MYOCD: variants seen among roughly 807,000 people sequenced by gnomAD.
MYOCD encodes the protein myocardin.
In MYOCD, 32 loss-of-function variants were observed where a neutral mutation model predicts 96.1. The ratio of observed to expected loss-of-function variants is 0.33; its 90% CI spans 0.25 to 0.45. MYOCD has a LOEUF of 0.45. MYOCD is among the 20% of genes least tolerant of loss of function. MYOCD has a pLI of 1.00. For missense variants in MYOCD, 1,133 were observed against 1,200.6 expected, an observed-to-expected ratio of 0.94 and a Z score of 0.83; for synonymous variants, 469 against 469.0, an observed-to-expected ratio of 1.00 and a Z score of 0.00.
intron 5 of MYOCD, among the ~76,000 whole-genome samples, chr17:12,724,731 G>T (rs1008236685): frequency 1.3e-5 from 2 of 151,916 alleles, no homozygotes; most frequent in Admixed American, 1.3e-4. Flanking sequence ...TTAAGTGGTT[G>T]GTTTAAGAGA....
In MYOCD at chr17:12,758,175, G is replaced by T; in HGVS notation, c.2293G>T (p.Val765Leu). 1 of 1,614,086 alleles carries T rather than the reference G, an allele frequency of 6.2e-7. No homozygotes were observed. The highest frequency in any genetic ancestry group is 8.5e-7 in the Non-Finnish European group (1 of 1,179,998). The change falls in exon 12 of 14, where the codon GTA becomes TTA. Residue 765 changes from valine to leucine, a missense_variant. By Grantham distance (32) the Val-to-Leu change is conservative (BLOSUM62 1). Transcript: ENST00000425538. ...FSKSSSAISE[V>L]TQPPSYEDAV... ...TAAGTCAAGTTCAGCAATTTCAGAG[G>T]TAACACAGCCTCCATCCTATGAAGA...
At chr17:12,706,886 A>G (rs1395004873) in intron 2 of MYOCD, among the ~76,000 whole-genome samples, 1 of 152,206 alleles carries the variant, frequency 6.6e-6, no homozygotes, top group Non-Finnish European at 1.5e-5. Flanking sequence ...TAATTTCTAG[A>G]AAAAAATCCT....
At chr17:12,755,175 C>T (rs2032975644) in intron 10 of MYOCD, among the ~76,000 whole-genome samples, 1 of 152,124 alleles carries the variant, frequency 6.6e-6, no homozygotes, top group Non-Finnish European at 1.5e-5. Context: ...TGTGTAGTGT[C>T]CTGGGAAACA....
intron 1 of MYOCD, among the ~76,000 whole-genome samples, chr17:12,688,891 G>A (rs963787149): frequency 3.9e-5 from 6 of 152,116 alleles, no homozygotes; most frequent in African/African-American, 1.2e-4. Flanking sequence ...CCCTCCTGGA[G>A]CAAGACCTAG....
chr17:12,713,125 G>A (rs1597771502), intron 2 of MYOCD, among the ~76,000 whole-genome samples: 1 of 152,162 alleles, frequency 6.6e-6, no homozygotes, highest in East Asian at 1.9e-4. Context: ...TGCAGCATGT[G>A]AACCTCTCTG....
At chr17:12,738,854 G>T (rs2032421880) in intron 6 of MYOCD, among the ~76,000 whole-genome samples, 1 of 151,594 alleles carries the variant, frequency 6.6e-6, no homozygotes, top group Admixed American at 6.6e-5. Context: ...GTCCCAGTTT[G>T]CCTAGAACAG....
rs781545636 is a variant in MYOCD at position 12,763,269 on chromosome 17, G to A, written c.2586G>A (p.Gln862=). 6.2e-7 allele frequency: 1 copy of A among 1,613,546 alleles called. No homozygotes were observed. Among genetic ancestry groups the A allele is most frequent in the Admixed American group, 1.7e-5 (1 of 59,936 alleles). Residue 862 remains glutamine, a synonymous_variant, in exon 14 of 14, where the codon CAG becomes CAA. Coordinates refer to ENST00000425538, the MANE Select transcript of MYOCD (RefSeq NM_001146312.3). ...DEHLEVLLNS[Q]SPLGKMSDVT... ...ATCTTGAAGTCTTATTAAATTCCCAGAGCCCCCTAGGAAAGATGAGTGATG... is the reference window on the plus strand; with the variant it reads ...ATCTTGAAGTCTTATTAAATTCCCAAAGCCCCCTAGGAAAGATGAGTGATG...
chr17:12,675,624 C>T (rs1295258193), intron 1 of MYOCD, among the ~76,000 whole-genome samples: 2 of 152,248 alleles, frequency 1.3e-5, no homozygotes, highest in East Asian at 1.9e-4. Context: ...TTTGGGAGGC[C>T]GAGATGGGTG....
At chr17:12,732,600 T>A (rs1220855039) in intron 5 of MYOCD, among the ~76,000 whole-genome samples, 1 of 152,198 alleles carries the variant, frequency 6.6e-6, no homozygotes, top group Admixed American at 6.5e-5. Flanking sequence ...CCATATCTTA[T>A]CTGATCACAC....
At chr17:12,684,385 T>C (rs115444487) in intron 1 of MYOCD, among the ~76,000 whole-genome samples, 130 of 152,286 alleles carry the variant, frequency 8.5e-4, no homozygotes, top group African/African-American at 3.0e-3. Flanking sequence ...GTAGCATCCA[T>C]GGCCCTCTTT....
intron 2 of MYOCD, among the ~76,000 whole-genome samples, chr17:12,712,288 G>A (rs1423473461): frequency 6.6e-6 from 1 of 152,150 alleles, no homozygotes; most frequent in Non-Finnish European, 1.5e-5. Context: ...GGTCCTCTTA[G>A]TAGCAATGGA....
intron 2 of MYOCD, among the ~76,000 whole-genome samples, chr17:12,709,985 C>T (rs1000973320): frequency 1.3e-5 from 2 of 152,166 alleles, no homozygotes; most frequent in African/African-American, 2.4e-5. Context: ...GGTCATAGAG[C>T]ATTTCAGTAA....
At chr17:12,684,616 G>C (rs1173493490) in intron 1 of MYOCD, among the ~76,000 whole-genome samples, 1 of 150,658 alleles carries the variant, frequency 6.6e-6, no homozygotes. Flanking sequence ...GGAGGCCAAG[G>C]TGGGTGGATC....
Position 12,719,174 on chromosome 17 carries a change from CAAAAAAAAAAAAAAA to C in MYOCD, c.253+1769_253+1783del, listed in dbSNP as rs71144920. ...GGGGCCACAGAGGGAGACTCTGTCT[CAAAAAAAAAAAAAAA>C]AAAAAAAAAAAAAAAGACATACAGA... On this transcript the variant is annotated intron_variant, in intron 4 of 13. Transcript: ENST00000425538. Among the ~76,000 whole-genome samples, 4 of 49,158 alleles carry C rather than the reference CAAAAAAAAAAAAAAA, an allele frequency of 8.1e-5. 1 individual carries two copies. The highest frequency in any genetic ancestry group is 2.5e-3 in the South Asian group (2 of 812). The allele number at this position is 49,158 out of a possible 152,430, so 32.2% of individuals were successfully genotyped here. A position where few individuals can be genotyped will look rare whatever the true frequency, so the allele number is the denominator to read the frequency against.
Position 12,739,292 on chromosome 17 carries a change from C to T in MYOCD, c.681C>T (p.Pro227=), listed in dbSNP as rs141767130. The change falls in exon 7 of 14, where the codon CCC becomes CCT. Residue 227 remains proline (P), a synonymous_variant. Transcript: ENST00000425538. The part of the protein sequence containing the change: ...QSDAGKQGLG[P]PSTPIAVHAA... ...ATGCGGGGAAGCAGGGGCTTGGCCCCCCCAGCACCCCCATAGCCGTGCATG... is the reference window on the plus strand; with the variant it reads ...ATGCGGGGAAGCAGGGGCTTGGCCCTCCCAGCACCCCCATAGCCGTGCATG... 546 of 1,608,062 alleles carry T rather than the reference C, an allele frequency of 3.4e-4. 1 individual carries two copies. The highest frequency in any genetic ancestry group is 3.7e-4 in the Non-Finnish European group (437 of 1,177,594).
At chr17:12,712,623 A>C (rs1397883526) in intron 2 of MYOCD, among the ~76,000 whole-genome samples, 1 of 152,174 alleles carries the variant, frequency 6.6e-6, no homozygotes, top group Non-Finnish European at 1.5e-5. Flanking sequence ...CGGCTGACCC[A>C]AATTAGCGAT....
rs773131615 is a variant in MYOCD at position 12,745,929 on chromosome 17, G to A, written c.982G>A (p.Glu328Lys). ...TTGTTTGTTTTTTAGGGAACCAAAT[G>A]AACAGATGGTCAGAAATCCAAACTC... ...MHQAQLKEPNEQMVRNPNSSS... is the reference protein window; with the variant it reads ...MHQAQLKEPNKQMVRNPNSSS... Residue 328 changes from glutamate (E) to lysine (K), a missense_variant, in exon 9 of 14, where the codon GAA (glutamate) becomes AAA (lysine). By Grantham distance (56) the Glu-to-Lys change is moderately conservative (BLOSUM62 1). Coordinates refer to ENST00000425538, the MANE Select transcript of MYOCD (RefSeq NM_001146312.3). The A allele has an allele frequency of 6.2e-7, 1 of 1,613,910 alleles. No homozygotes were observed. Among genetic ancestry groups the A allele is most frequent in the Non-Finnish European group, 8.5e-7 (1 of 1,179,976 alleles).
At chr17:12,750,638 G>A (rs1366325582) in intron 9 of MYOCD, among the ~76,000 whole-genome samples, 2 of 152,062 alleles carry the variant, frequency 1.3e-5, no homozygotes, top group Admixed American at 6.6e-5. Context: ...GCAGTGAGCC[G>A]AGATTATGCC....
At chr17:12,745,047 AGAATGTGATATTG>A (rs2032621303) in intron 8 of MYOCD, among the ~76,000 whole-genome samples, 1 of 152,196 alleles carries the variant, frequency 6.6e-6, no homozygotes, top group East Asian at 1.9e-4. Flanking sequence ...GGAAAGTCTA[AGAATGTGATATTG>A]GAATTATGAG....
Sources: gnomAD v4.1 joint callset for allele counts (sites outside exome capture counted in the v4.1 genomes callset) on GRCh38, gnomAD v4.1.1 for gene constraint, MANE v1.5 for transcripts, NCBI Gene and HGNC (gene_info 2026-07-23, HGNC 2026-07-21) for gene names.